Variants in RALGAPA1 observed in about 807,000 individuals in gnomAD.
RALGAPA1 encodes ral GTPase-activating protein subunit alpha-1.
RALGAPA1 carries 52 observed loss-of-function variants against 269.6 expected under a neutral mutation model. The ratio of observed to expected loss-of-function variants is 0.19; its 90% CI spans 0.15 to 0.24. The LOEUF (loss-of-function observed/expected upper bound fraction) is 0.24. RALGAPA1 is among the 10% of genes least tolerant of loss of function. The probability of loss-of-function intolerance (pLI) is 1.00; values close to 1 mark genes in which losing one functional copy is unlikely to be tolerated. For missense variants in RALGAPA1, 1,917 were observed against 3,013.9 expected (o/e 0.64, Z 8.52); for synonymous variants, 817 against 1,008.3 (o/e 0.81, Z 3.60).
At chr14:35,716,264 G>A (rs1396028546) in intron 16 of RALGAPA1, 1 of 165,290 alleles carries the variant, frequency 6.0e-6, no homozygotes, top group Non-Finnish European at 1.2e-5. Flanking sequence ...GTGGTGGTGT[G>A]CGCCTATAGT....
At chr14:35,607,321 G>T (rs978878614) in intron 35 of RALGAPA1, among the ~76,000 whole-genome samples, 1 of 152,164 alleles carries the variant, frequency 6.6e-6, no homozygotes, top group Non-Finnish European at 1.5e-5. Context: ...TCTCTCTCCA[G>T]CTTCCAATCT....
intron 31 of RALGAPA1, among the ~76,000 whole-genome samples, chr14:35,642,380 CA>C (rs1005128757): frequency 2.6e-5 from 4 of 152,032 alleles, no homozygotes; most frequent in African/African-American, 9.7e-5. Context: ...ACAAGGAACT[CA>C]AACAACACTA....
Position 35,627,083 on chromosome 14 carries a change from T to C in RALGAPA1, c.6857+7A>G. 2 of 1,510,918 alleles carry C rather than the reference T, an allele frequency of 1.3e-6. No homozygotes were observed. Among genetic ancestry groups the C allele is most frequent in the Non-Finnish European group, 8.8e-7 (1 of 1,137,974 alleles). 93.6% of individuals were successfully genotyped at this position (1,510,918 alleles called of 1,614,324 possible). On this transcript the variant is annotated splice_region_variant and intron_variant, in intron 34 of 41. Coordinates refer to ENST00000680220, the MANE Select transcript of RALGAPA1 (RefSeq NM_001346249.2). ...AAAAAAAGAAAAAATTTCTCCCTTA[T>C]GCTTACCGTTTGTCCCAGGAATTCA...
At chr14:35,544,234 G>A (rs1389034033) in intron 41 of RALGAPA1, among the ~76,000 whole-genome samples, 1 of 152,126 alleles carries the variant, frequency 6.6e-6, no homozygotes, top group African/African-American at 2.4e-5. Flanking sequence ...TTCAATGGGT[G>A]GGAAAGTAAA....
intron 33 of RALGAPA1, among the ~76,000 whole-genome samples, 156 bp from the exon 34 acceptor site, chr14:35,628,107 A>C (rs561140008): frequency 6.6e-6 from 1 of 152,178 alleles, no homozygotes; most frequent in East Asian, 1.9e-4. Context: ...AAGGAGGAAA[A>C]CCATTCTTTG....
At chr14:35,744,371 CA>C (rs34442349) in intron 10 of RALGAPA1, among the ~76,000 whole-genome samples, 21 of 139,600 alleles carry the variant, frequency 1.5e-4, no homozygotes, top group Admixed American at 3.6e-4. Context: ...GACTCCATCT[CA>C]AAAAAAAAAA....
At chr14:35,612,370 C>CAA (rs1010725263) in intron 35 of RALGAPA1, among the ~76,000 whole-genome samples, 22 of 63,234 alleles carry the variant, frequency 3.5e-4, no homozygotes, top group African/African-American at 7.7e-4. Flanking sequence ...AACTCTGTTT[C>CAA]AAAAAAAAAA....
At chr14:35,758,077 C>T (rs958368541) in intron 6 of RALGAPA1, among the ~76,000 whole-genome samples, 17 of 151,756 alleles carry the variant, frequency 1.1e-4, no homozygotes, top group Admixed American at 3.3e-4. Flanking sequence ...TGGTAAAACC[C>T]CATCTCTACT....
chr14:35,775,897 C>A, intron 1 of RALGAPA1, 152 bp from the exon 2 acceptor site: 1 of 817,410 alleles, frequency 1.2e-6, no homozygotes, highest in Non-Finnish European at 1.6e-6. Context: ...ATGTCTATAT[C>A]CTCGTTCTTA....
At position 35,634,707 on chromosome 14, in the gene RALGAPA1, A is replaced by G; in HGVS notation, c.5862T>C (p.Tyr1954=). ...CCAAATCAGAGAGGCTCATGGGAAA[A>G]TACCTTGGATTGCTAAAACACTGAG... is the stretch of plus-strand genomic sequence containing the variant. The part of the protein sequence containing the change: ...YGAQCFSNPR[Y]FPMSLSDLAS... The change falls in exon 33 of 42, where the codon TAT becomes TAC. Residue 1954 remains tyrosine, a synonymous_variant. Coordinates refer to ENST00000680220, the MANE Select transcript of RALGAPA1 (RefSeq NM_001346249.2). The G allele has an allele frequency of 6.2e-7, 1 of 1,612,968 alleles. No individual in the cohort carries two copies. Among genetic ancestry groups the G allele is most frequent in the Non-Finnish European group, 8.5e-7 (1 of 1,179,308 alleles).
chr14:35,554,078 T>C (rs910261709), intron 39 of RALGAPA1, among the ~76,000 whole-genome samples: 4 of 152,138 alleles, frequency 2.6e-5, no homozygotes, highest in Admixed American at 6.5e-5. Flanking sequence ...TGCCTACTGA[T>C]TTAAAAAAAA....
chr14:35,786,565 G>A (rs1418423547), intron 1 of RALGAPA1, among the ~76,000 whole-genome samples: 2 of 152,020 alleles, frequency 1.3e-5, no homozygotes, highest in Admixed American at 6.6e-5. Flanking sequence ...GTGAACCCGG[G>A]AGGCAGAGGT....
intron 33 of RALGAPA1, among the ~76,000 whole-genome samples, chr14:35,629,342 A>T (rs2061193054): frequency 6.6e-5 from 10 of 151,778 alleles, no homozygotes; most frequent in Admixed American, 5.3e-4. Flanking sequence ...ACTTAATTTT[A>T]GACATAATTA....
chr14:35,633,366 A>G (rs1215408341), intron 33 of RALGAPA1, among the ~76,000 whole-genome samples: 2 of 152,114 alleles, frequency 1.3e-5, no homozygotes, highest in African/African-American at 2.4e-5. Context: ...TTTGCTTTAT[A>G]CTGCTTGTTA....
chr14:35,762,648 A>G, intron 5 of RALGAPA1, 62 bp downstream of exon 5: 5 of 917,784 alleles, frequency 5.4e-6, no homozygotes, highest in Non-Finnish European at 9.1e-6. Context: ...AAAAGTGTTA[A>G]CAGGTGGGAT....
intron 16 of RALGAPA1, chr14:35,715,858 T>C: frequency 1.0e-6 from 1 of 985,448 alleles, no homozygotes; most frequent in Non-Finnish European, 1.2e-6. Flanking sequence ...TTTTCCAGTG[T>C]GCTTACTGCT....
chr14:35,618,728 A>G (rs59698361), intron 35 of RALGAPA1, among the ~76,000 whole-genome samples: 3,396 of 152,272 alleles, frequency 0.022, 126 homozygotes, highest in South Asian at 0.14. Context: ...CTTAAAATCA[A>G]TAAGAGAATT....
intron 4 of RALGAPA1, among the ~76,000 whole-genome samples, chr14:35,769,617 T>A (rs1004994912): frequency 8.6e-5 from 13 of 151,706 alleles, no homozygotes; most frequent in Non-Finnish European, 1.5e-5. Context: ...AAATAAAAAG[T>A]TTATGTAATA....
chr14:35,728,262 C>T (rs1465329164), intron 13 of RALGAPA1, 100 bp downstream of exon 13: 2 of 1,121,426 alleles, frequency 1.8e-6, no homozygotes, highest in Admixed American at 7.3e-5. Context: ...CTCTATAATA[C>T]TGTAAACAAA....
Sources: allele counts gnomAD v4.1 joint callset (sites outside exome capture counted in the v4.1 genomes callset), GRCh38; gene constraint gnomAD v4.1.1; transcripts MANE v1.5; gene names NCBI Gene and HGNC (gene_info 2026-07-23, HGNC 2026-07-21).